The following CALHM4 variants were observed in gnomAD, a reference collection of about 807,000 sequenced individuals.
CALHM4 encodes the protein calcium homeostasis modulator family member 4.
CALHM4 carries 16 observed loss-of-function variants against 13.3 expected under a neutral mutation model. That is an observed-to-expected ratio of 1.20 (90% CI 0.81 to 1.82). CALHM4 has a LOEUF of 1.82. CALHM4 is among the 40% of genes most tolerant of loss of function. The probability of loss-of-function intolerance (pLI) is 0.00; values close to 1 mark genes in which losing one functional copy is unlikely to be tolerated. For missense variants in CALHM4, 344 were observed against 374.9 expected, an observed-to-expected ratio of 0.92 and a Z score of 0.68; for synonymous variants, 127 against 137.1, an observed-to-expected ratio of 0.93 and a Z score of 0.52.
chr6:116,549,214 G>T (rs188916611), upstream of CALHM4, among the ~76,000 whole-genome samples: 1 of 152,300 alleles, frequency 6.6e-6, no homozygotes, highest in East Asian at 1.9e-4. Flanking sequence ...TTGAACCTGG[G>T]AGGTGGAGGT....
intron 1 of CALHM4, among the ~76,000 whole-genome samples, chr6:116,543,038 G>A (rs749287233): frequency 6.6e-6 from 1 of 152,014 alleles, no homozygotes; most frequent in African/African-American, 2.4e-5. Context: ...GCTTATAAGC[G>A]ACTCTTAAGT....
At chr6:116,533,945 C>A (rs1365295642) in intron 1 of CALHM4, among the ~76,000 whole-genome samples, 1 of 152,172 alleles carries the variant, frequency 6.6e-6, no homozygotes, top group Admixed American at 6.5e-5. Context: ...TTGTTCCCTG[C>A]CGGCAGTCTG....
intron 1 of CALHM4, among the ~76,000 whole-genome samples, chr6:116,535,541 C>T (rs965601714): frequency 6.6e-6 from 1 of 152,138 alleles, no homozygotes; most frequent in African/African-American, 2.4e-5. Flanking sequence ...GTTTGGAAAC[C>T]CTAAAATATA....
intron 1 of CALHM4, among the ~76,000 whole-genome samples, chr6:116,532,163 A>C (rs980868202): frequency 2.6e-5 from 4 of 152,224 alleles, no homozygotes; most frequent in African/African-American, 9.7e-5. Context: ...GGAGTCTTTC[A>C]TTTAAAGACA....
chr6:116,550,025 T>TGC (rs1774000877), upstream of CALHM4, among the ~76,000 whole-genome samples: 1 of 96,342 alleles, frequency 1.0e-5, no homozygotes, highest in African/African-American at 4.1e-5. Context: ...TATATATATA[T>TGC]ACACACACAC....
intron 2 of CALHM4, among the ~76,000 whole-genome samples, chr6:116,547,553 G>GT (rs1773856876): frequency 6.6e-6 from 1 of 152,144 alleles, no homozygotes; most frequent in African/African-American, 2.4e-5. Context: ...CATCATCACA[G>GT]GGGACACTGG....
intron 2 of CALHM4, among the ~76,000 whole-genome samples, chr6:116,544,241 A>G (rs890439504): frequency 5.3e-5 from 8 of 152,004 alleles, no homozygotes; most frequent in Non-Finnish European, 8.8e-5. Flanking sequence ...AGAAAAGTAG[A>G]AAAAATCATA....
chr6:116,543,274 T>C (rs1773574067), intron 1 of CALHM4: 1 of 1,500,138 alleles, frequency 6.7e-7, no homozygotes, highest in African/African-American at 1.4e-5. Context: ...ACAACAGCCA[T>C]TCAATAAGAA....
At chr6:116,544,271 C>T (rs1479593026) in intron 2 of CALHM4, among the ~76,000 whole-genome samples, 1 of 151,882 alleles carries the variant, frequency 6.6e-6, no homozygotes, top group Non-Finnish European at 1.5e-5. Flanking sequence ...CATGCCATGG[C>T]CCCAACATTG....
At chr6:116,545,660 T>C in intron 2 of CALHM4, 1 of 567,200 alleles carries the variant, frequency 1.8e-6, no homozygotes, top group Non-Finnish European at 2.9e-6. Context: ...CTCTGCTGCT[T>C]TTGCTCTTTG....
chr6:116,553,312 T>C (rs972262933), upstream of CALHM4, among the ~76,000 whole-genome samples: 7 of 152,232 alleles, frequency 4.6e-5, no homozygotes, highest in African/African-American at 1.7e-4. Context: ...CTTAGGAACA[T>C]TCCAGCCAGC....
intron 1 of CALHM4, among the ~76,000 whole-genome samples, chr6:116,539,413 GA>G (rs1345978655): frequency 1.3e-5 from 2 of 152,046 alleles, no homozygotes; most frequent in African/African-American, 2.4e-5. Flanking sequence ...TGAGTAAATG[GA>G]AAAATCTTTC....
intron 1 of CALHM4, chr6:116,540,443 G>T (rs115220854): frequency 3.2e-6 from 5 of 1,551,230 alleles, no homozygotes; most frequent in Non-Finnish European, 4.4e-6. Context: ...TCCACAAGCC[G>T]CGTTCCAATG....
chr6:116,536,823 T>G (rs1324256396), intron 1 of CALHM4, among the ~76,000 whole-genome samples: 1 of 152,206 alleles, frequency 6.6e-6, no homozygotes, highest in African/African-American at 2.4e-5. Context: ...TACAGTAAAC[T>G]TCTTCTGAAC....
chr6:116,546,701 C>T (rs549855816), intron 2 of CALHM4, among the ~76,000 whole-genome samples: 160 of 152,176 alleles, frequency 1.1e-3, no homozygotes, highest in African/African-American at 3.7e-3. Flanking sequence ...ACCAAAGAGA[C>T]GAGGCGTACC....
chr6:116,537,342 G>C (rs1420565567), intron 1 of CALHM4, among the ~76,000 whole-genome samples: 1 of 152,142 alleles, frequency 6.6e-6, no homozygotes, highest in Non-Finnish European at 1.5e-5. Context: ...TAATAGGGGA[G>C]AATCAAGCAG....
At chr6:116,546,546 G>T (rs1313150029) in intron 2 of CALHM4, among the ~76,000 whole-genome samples, 1 of 152,200 alleles carries the variant, frequency 6.6e-6, no homozygotes, top group Non-Finnish European at 1.5e-5. Flanking sequence ...AAAGAACCTA[G>T]GAGGATTTGG....
intron 1 of CALHM4, among the ~76,000 whole-genome samples, chr6:116,532,503 T>C (rs895487390): frequency 6.6e-6 from 1 of 152,204 alleles, no homozygotes; most frequent in African/African-American, 2.4e-5. Flanking sequence ...CTATAAATGA[T>C]CCCTCCTTTG....
chr6:116,548,676 C>A (rs1205622240), intron 2 of CALHM4, among the ~76,000 whole-genome samples: 1 of 152,204 alleles, frequency 6.6e-6, no homozygotes, highest in Non-Finnish European at 1.5e-5. Flanking sequence ...TATATCCCGA[C>A]AAACCATTCA....
Sources: allele counts gnomAD v4.1 joint callset (sites outside exome capture counted in the v4.1 genomes callset), GRCh38; gene constraint gnomAD v4.1.1; transcripts MANE v1.5; gene names NCBI Gene and HGNC (gene_info 2026-07-23, HGNC 2026-07-21).